Variants in GALNTL6 observed in about 807,000 individuals in gnomAD.
The protein encoded by GALNTL6 is polypeptide N-acetylgalactosaminyltransferase like 6.
A neutral mutation model predicts 73.7 loss-of-function variants in GALNTL6; 46 were observed. The observed-to-expected ratio is 0.62, with a 90% confidence interval of 0.49 to 0.80. The LOEUF is 0.80. GALNTL6 is among the 30% of genes least tolerant of loss of function. The probability of loss-of-function intolerance (pLI) is 0.00; values close to 1 mark genes in which losing one functional copy is unlikely to be tolerated. For synonymous variants in GALNTL6, 259 were observed against 263.7 expected, an observed-to-expected ratio of 0.98 and a Z score of 0.17; for missense variants, 604 against 755.0, an observed-to-expected ratio of 0.80 and a Z score of 2.34.
intron 2 of GALNTL6, among the ~76,000 whole-genome samples, chr4:172,142,629 T>C (rs1733829809): frequency 6.6e-6 from 1 of 152,086 alleles, no homozygotes; most frequent in Non-Finnish European, 1.5e-5. Context: ...GATGAACTAT[T>C]TTCAGGAACG....
At chr4:171,905,764 A>C (rs1300206411) in intron 2 of GALNTL6, among the ~76,000 whole-genome samples, 4 of 149,900 alleles carry the variant, frequency 2.7e-5, no homozygotes, top group Admixed American at 6.6e-5. Flanking sequence ...CTCAGCAAAT[A>C]TAAAAGAACA....
At chr4:172,375,603 T>G (rs974036727) in intron 5 of GALNTL6, among the ~76,000 whole-genome samples, 14 of 152,086 alleles carry the variant, frequency 9.2e-5, no homozygotes, top group African/African-American at 2.9e-4. Context: ...CCCAAGAACC[T>G]GCAATGGTCC....
chr4:172,112,170 T>C (rs868401781), intron 2 of GALNTL6, among the ~76,000 whole-genome samples: 6 of 152,210 alleles, frequency 3.9e-5, no homozygotes, highest in African/African-American at 1.2e-4. Flanking sequence ...TCAGATTAGC[T>C]TCTTTCACTT....
chr4:172,934,684 G>A (rs1748517867), intron 9 of GALNTL6, among the ~76,000 whole-genome samples: 1 of 152,182 alleles, frequency 6.6e-6, no homozygotes, highest in Admixed American at 6.5e-5. Flanking sequence ...CAAGCAGCAA[G>A]TCACTGAGGG....
chr4:172,190,387 G>T (rs1204003979), intron 2 of GALNTL6, among the ~76,000 whole-genome samples: 2 of 152,008 alleles, frequency 1.3e-5, no homozygotes, highest in South Asian at 2.1e-4. Flanking sequence ...CATCTACTTG[G>T]GTCAGTGGAT....
At chr4:171,968,082 A>G (rs1739442665) in intron 2 of GALNTL6, among the ~76,000 whole-genome samples, 1 of 152,162 alleles carries the variant, frequency 6.6e-6, no homozygotes, top group African/African-American at 2.4e-5. Context: ...AAAGGTTACT[A>G]TAGCAGTCTT....
chr4:172,954,092 T>C (rs1487452841), intron 10 of GALNTL6, among the ~76,000 whole-genome samples: 5 of 152,234 alleles, frequency 3.3e-5, no homozygotes, highest in Non-Finnish European at 7.3e-5. Context: ...AGTATCATTG[T>C]GTGATTCACT....
chr4:172,847,484 G>A (rs1743576057), intron 7 of GALNTL6, among the ~76,000 whole-genome samples: 1 of 151,926 alleles, frequency 6.6e-6, no homozygotes, highest in South Asian at 2.1e-4. Context: ...ATGCTTGTGT[G>A]TATATGTTTA....
chr4:172,462,655 G>C (rs1390162808), intron 5 of GALNTL6, among the ~76,000 whole-genome samples: 1 of 152,140 alleles, frequency 6.6e-6, no homozygotes, highest in East Asian at 1.9e-4. Flanking sequence ...TCCCTGGATT[G>C]CAAGTTTCAA....
At chr4:173,027,554 TTA>T (rs1250389186) in intron 12 of GALNTL6, among the ~76,000 whole-genome samples, 1 of 152,206 alleles carries the variant, frequency 6.6e-6, no homozygotes. Flanking sequence ...ATAAACTAAA[TTA>T]ATCTAATAGG....
intron 2 of GALNTL6, among the ~76,000 whole-genome samples, chr4:172,131,406 A>AATATATATATATATATAT (rs772791571): frequency 7.5e-4 from 103 of 137,454 alleles, no homozygotes; most frequent in African/African-American, 2.8e-3. Context: ...ATGCCTTTAA[A>AATATATATATATATATAT]ATATATATAT....
At chr4:172,653,144 C>A (rs1487103517) in intron 5 of GALNTL6, among the ~76,000 whole-genome samples, 2 of 151,906 alleles carry the variant, frequency 1.3e-5, no homozygotes, top group East Asian at 3.9e-4. Flanking sequence ...TGTTGACAAT[C>A]TCCTGCGACT....
chr4:172,861,853 G>C lies in GALNTL6; in HGVS notation c.924-20937G>C, dbSNP rs552984000. Among the ~76,000 whole-genome samples, 63 of 152,296 alleles carry C rather than the reference G, an allele frequency of 4.1e-4. No homozygotes were observed. The Middle Eastern group carries it at 0.02, about 49-fold the overall frequency. ...CCATCATAATTGTGAGGCCTGCCCA[G>C]CCATGTGGAACTGTGAGTCAATTAA... On this transcript the variant is annotated intron_variant, in intron 7 of 12. Coordinates refer to ENST00000506823, the MANE Select transcript of GALNTL6 (RefSeq NM_001034845.3).
At chr4:172,020,139 C>T (rs1741348640) in intron 2 of GALNTL6, among the ~76,000 whole-genome samples, 1 of 151,730 alleles carries the variant, frequency 6.6e-6, no homozygotes, top group South Asian at 2.1e-4. Flanking sequence ...ATACAACATA[C>T]CAAAACTTAT....
intron 5 of GALNTL6, among the ~76,000 whole-genome samples, chr4:172,747,002 G>T (rs1220363536): frequency 6.6e-6 from 1 of 151,964 alleles, no homozygotes; most frequent in Admixed American, 6.5e-5. Context: ...CAGTAAAGTT[G>T]CAGGATACAA....
At chr4:172,086,607 T>C (rs114327876) in intron 2 of GALNTL6, among the ~76,000 whole-genome samples, 1 of 152,174 alleles carries the variant, frequency 6.6e-6, no homozygotes, top group African/African-American at 2.4e-5. Context: ...TCATGATTTA[T>C]ACCTCAATAG....
At chr4:172,353,443 T>C (rs1742034392) in intron 5 of GALNTL6, among the ~76,000 whole-genome samples, 1 of 152,188 alleles carries the variant, frequency 6.6e-6, no homozygotes, top group Admixed American at 6.5e-5. Context: ...ATTTATAAGT[T>C]TGTAAAGGAC....
chr4:172,552,360 G>C (rs1735984595), intron 5 of GALNTL6, among the ~76,000 whole-genome samples: 1 of 152,010 alleles, frequency 6.6e-6, no homozygotes, highest in Non-Finnish European at 1.5e-5. Flanking sequence ...TATAGCCCAA[G>C]ATTCTTGTTA....
chr4:171,918,351 T>C (rs986822100), intron 2 of GALNTL6, among the ~76,000 whole-genome samples: 1 of 152,144 alleles, frequency 6.6e-6, no homozygotes, highest in African/African-American at 2.4e-5. Flanking sequence ...ATCAAATTTA[T>C]AAGCAAGAGA....
Sources: allele counts gnomAD v4.1 joint callset (sites outside exome capture counted in the v4.1 genomes callset), GRCh38; gene constraint gnomAD v4.1.1; transcripts MANE v1.5; gene names NCBI Gene and HGNC (gene_info 2026-07-23, HGNC 2026-07-21).